The following SH3GL3 variants were observed in gnomAD, a reference collection of about 807,000 sequenced individuals.
SH3GL3 encodes the protein SH3 domain containing GRB2 like 3, endophilin A3, also known as endophilin-A3.
Under a neutral mutation model 47.7 loss-of-function variants are expected in SH3GL3, and 33 were observed. The ratio of observed to expected loss-of-function variants is 0.69; its 90% CI spans 0.52 to 0.92. SH3GL3 has a LOEUF of 0.92. Ranked by LOEUF, SH3GL3 falls within the 40% of genes least tolerant of loss-of-function variation. SH3GL3 has a pLI of 0.00. For synonymous variants in SH3GL3, 155 were observed against 148.8 expected (o/e 1.04, Z -0.30); for missense variants, 363 against 417.8 (o/e 0.87, Z 1.14).
chr15:83,546,974 G>A (rs1391263614), intron 1 of SH3GL3, among the ~76,000 whole-genome samples: 1 of 152,120 alleles, frequency 6.6e-6, no homozygotes, highest in African/African-American at 2.4e-5. Context: ...ACTGTGAGCC[G>A]CATTGCCTGG....
chr15:83,579,848 T>A (rs2059787219), intron 6 of SH3GL3, among the ~76,000 whole-genome samples: 1 of 152,202 alleles, frequency 6.6e-6, no homozygotes, highest in Non-Finnish European at 1.5e-5. Flanking sequence ...TCCTTTTCCA[T>A]GTCAGTGTGT....
At chr15:83,464,504 C>T (rs2040469557) in intron 1 of SH3GL3, among the ~76,000 whole-genome samples, 1 of 152,182 alleles carries the variant, frequency 6.6e-6, no homozygotes, top group Non-Finnish European at 1.5e-5. Context: ...TAAGTGCCTG[C>T]ATCACCTCTC....
chr15:83,601,964 A>C (rs1481268781), intron 8 of SH3GL3, among the ~76,000 whole-genome samples: 1 of 151,136 alleles, frequency 6.6e-6, no homozygotes, highest in Non-Finnish European at 1.5e-5. Context: ...AAAAAAAAAC[A>C]AAACATAAAA....
At chr15:83,619,213 T>C (rs1269604050), downstream of SH3GL3, among the ~76,000 whole-genome samples, 1 of 152,172 alleles carries the variant, frequency 6.6e-6, no homozygotes, top group Non-Finnish European at 1.5e-5. Context: ...AGGAGCCTCA[T>C]TGACTGACTT....
chr15:83,499,634 T>C (rs964834712), intron 1 of SH3GL3, among the ~76,000 whole-genome samples: 2 of 152,200 alleles, frequency 1.3e-5, no homozygotes, highest in African/African-American at 2.4e-5. Flanking sequence ...GTGCCTAGCA[T>C]GTGTGGTAAC....
rs1359545657 is a variant in SH3GL3, at chr15:83,487,185, T to G, written c.45+39607T>G. The stretch of plus-strand genomic sequence containing the variant: ...TCTTAAATGTTTTAATCTTGAAGAA[T>G]TTTTAACCGGTTTACCTGTTTTTTT... On this transcript the variant is annotated intron_variant, in intron 1 of 8. Transcript: ENST00000427482. Among the ~76,000 whole-genome samples, 4 of 147,806 alleles carry G rather than the reference T, an allele frequency of 2.7e-5. No homozygotes were observed. The East Asian group carries it at 7.9e-4, about 29-fold the overall frequency.
chr15:83,514,321 A>G (rs548591553), intron 1 of SH3GL3, among the ~76,000 whole-genome samples: 11 of 152,304 alleles, frequency 7.2e-5, no homozygotes, highest in African/African-American at 2.6e-4. Flanking sequence ...GTTGCACTGG[A>G]AATACACAAT....
At position 83,559,266 on chromosome 15, in the gene SH3GL3, A is replaced by G; in HGVS notation, c.59A>G (p.Lys20Arg). 6.3e-7 allele frequency: 1 copy of G among 1,577,014 alleles called. No individual in the cohort carries two copies. The highest frequency in any genetic ancestry group is 8.7e-7 in the Non-Finnish European group (1 of 1,146,168). ...FHKASQLFSE[K>R]ISGAEGTKLD... ...TTATTTCTGCAGCTATTTAGTGAAAAAATAAGTGGTGCTGAAGGAACTAAA... is the reference window on the plus strand; with the variant it reads ...TTATTTCTGCAGCTATTTAGTGAAAGAATAAGTGGTGCTGAAGGAACTAAA... The change falls in exon 2 of 9, where the codon AAA becomes AGA. Residue 20 changes from lysine to arginine, a missense_variant. Transcript: ENST00000427482.
downstream of SH3GL3, among the ~76,000 whole-genome samples, chr15:83,619,108 C>G (rs1440900807): frequency 6.6e-6 from 1 of 152,186 alleles, no homozygotes; most frequent in African/African-American, 2.4e-5. Flanking sequence ...AGCCCCTGGC[C>G]TTGCCTACAG....
intron 1 of SH3GL3, among the ~76,000 whole-genome samples, chr15:83,498,600 AT>A (rs1369095151): frequency 6.6e-6 from 1 of 152,004 alleles, no homozygotes. Context: ...CATTCTGTAG[AT>A]TTTTACCTCT....
intron 1 of SH3GL3, among the ~76,000 whole-genome samples, chr15:83,544,445 T>A (rs2044310342): frequency 6.6e-6 from 1 of 152,126 alleles, no homozygotes; most frequent in Admixed American, 6.5e-5. Flanking sequence ...GATGAAATGT[T>A]CTGTAAATAT....
intron 1 of SH3GL3, among the ~76,000 whole-genome samples, chr15:83,479,653 C>CTAA (rs1272395773): frequency 1.3e-5 from 2 of 152,138 alleles, no homozygotes; most frequent in African/African-American, 4.8e-5. Flanking sequence ...GGCACATGGG[C>CTAA]TAATGTTCCT....
chr15:83,574,348 A>G (rs1431593299), intron 5 of SH3GL3, among the ~76,000 whole-genome samples: 1 of 152,028 alleles, frequency 6.6e-6, no homozygotes, highest in Non-Finnish European at 1.5e-5. Context: ...CGACACTCAT[A>G]CCATCCTCTT....
chr15:83,573,321 G>A (rs1255204947), intron 5 of SH3GL3, among the ~76,000 whole-genome samples: 1 of 152,198 alleles, frequency 6.6e-6, no homozygotes, highest in Non-Finnish European at 1.5e-5. Flanking sequence ...CCTTCAGCAT[G>A]ATCTCAGCTT....
At chr15:83,524,317 T>G (rs1459730459) in intron 1 of SH3GL3, among the ~76,000 whole-genome samples, 1 of 152,230 alleles carries the variant, frequency 6.6e-6, no homozygotes, top group African/African-American at 2.4e-5. Flanking sequence ...TCTTCTCATT[T>G]TCAAAGTGAA....
At chr15:83,450,179 T>C (rs895918788) in intron 1 of SH3GL3, among the ~76,000 whole-genome samples, 2 of 152,232 alleles carry the variant, frequency 1.3e-5, no homozygotes, top group Non-Finnish European at 2.9e-5. Context: ...GTTTCTGTTA[T>C]AAAAATGATT....
intron 1 of SH3GL3, among the ~76,000 whole-genome samples, chr15:83,495,554 G>A (rs567131131): frequency 6.6e-6 from 1 of 152,230 alleles, no homozygotes; most frequent in African/African-American, 2.4e-5. Flanking sequence ...GGCCAAAATG[G>A]TAAAACCCTG....
chr15:83,536,959 T>G (rs1034860527), intron 1 of SH3GL3, among the ~76,000 whole-genome samples: 3 of 152,240 alleles, frequency 2.0e-5, no homozygotes, highest in Admixed American at 1.3e-4. Context: ...TTTCTGTGGT[T>G]TCTGATTGTC....
At chr15:83,525,992 T>C (rs918439414) in intron 1 of SH3GL3, among the ~76,000 whole-genome samples, 6 of 152,216 alleles carry the variant, frequency 3.9e-5, no homozygotes, top group African/African-American at 9.6e-5. Flanking sequence ...CAGGATTGCA[T>C]TGGCTATTTG....
Sources: allele counts gnomAD v4.1 joint callset (sites outside exome capture counted in the v4.1 genomes callset), GRCh38; gene constraint gnomAD v4.1.1; transcripts MANE v1.5; gene names NCBI Gene and HGNC (gene_info 2026-07-23, HGNC 2026-07-21).